The following DCDC1 variants were observed in gnomAD, a reference collection of about 807,000 sequenced individuals.
The protein encoded by DCDC1 is doublecortin domain-containing protein 1.
A neutral mutation model predicts 178.3 loss-of-function variants in DCDC1; 200 were observed. The observed-to-expected ratio is 1.12, with a 90% CI of 1.00 to 1.26. The LOEUF is 1.26. Among genes scored for constraint, DCDC1 ranks in the 50% most tolerant of loss-of-function variants. DCDC1 has a pLI of 0.00. For missense variants in DCDC1, 1,983 were observed against 1,749.2 expected, an observed-to-expected ratio of 1.13 and a Z score of -2.38; for synonymous variants, 690 against 604.8, an observed-to-expected ratio of 1.14 and a Z score of -2.07.
chr11:31,095,122 CT>C (rs945670441), intron 15 of DCDC1, among the ~76,000 whole-genome samples: 50 of 152,038 alleles, frequency 3.3e-4, no homozygotes, highest in African/African-American at 7.5e-4. Flanking sequence ...AGGACATGAA[CT>C]TTTTTATGGT....
intron 9 of DCDC1, among the ~76,000 whole-genome samples, chr11:31,173,173 T>C (rs1027139252): frequency 3.9e-5 from 6 of 152,214 alleles, no homozygotes; most frequent in African/African-American, 1.4e-4. Context: ...AAAAATATTT[T>C]TGTTTTAAAA....
At chr11:31,177,303 T>C (rs942043717) in intron 9 of DCDC1, among the ~76,000 whole-genome samples, 3 of 146,530 alleles carry the variant, frequency 2.0e-5, no homozygotes, top group African/African-American at 7.6e-5. Flanking sequence ...AATGGACAAA[T>C]AAGAAAGTAG....
chr11:30,921,379 A>G (rs1946239481), intron 24 of DCDC1, among the ~76,000 whole-genome samples: 2 of 152,140 alleles, frequency 1.3e-5, no homozygotes, highest in Non-Finnish European at 2.9e-5. Context: ...TCTTTTCTCT[A>G]TATGGACTTT....
chr11:31,193,948 T>A (rs1048917220), intron 9 of DCDC1, among the ~76,000 whole-genome samples: 4 of 152,066 alleles, frequency 2.6e-5, no homozygotes, highest in Non-Finnish European at 4.4e-5. Context: ...CTGCTGACAG[T>A]GGAACTGAAG....
chr11:31,100,918 A>G (rs1958464586), intron 15 of DCDC1, among the ~76,000 whole-genome samples: 2 of 152,212 alleles, frequency 1.3e-5, no homozygotes, highest in Non-Finnish European at 2.9e-5. Context: ...AATACAAAAT[A>G]CATTAATAAG....
chr11:31,331,989 A>G (rs1318903376), intron 2 of DCDC1, among the ~76,000 whole-genome samples: 2 of 151,982 alleles, frequency 1.3e-5, no homozygotes, highest in African/African-American at 2.4e-5. Flanking sequence ...GTAGAATTTG[A>G]CTGTGAATCC....
At chr11:31,042,974 G>A (rs529302193) in intron 20 of DCDC1, among the ~76,000 whole-genome samples, 96 of 152,220 alleles carry the variant, frequency 6.3e-4, no homozygotes, top group African/African-American at 2.1e-3. Flanking sequence ...GCTTCTAGGC[G>A]ACTTTGTAAT....
At chr11:31,102,367 C>G (rs1161596112) in intron 14 of DCDC1, 85 bp from the exon 15 acceptor site, 1 of 534,212 alleles carries the variant, frequency 1.9e-6, no homozygotes, top group African/African-American at 1.9e-5. Flanking sequence ...TTATAATACT[C>G]TTTATGCTTT....
intron 9 of DCDC1, among the ~76,000 whole-genome samples, chr11:31,172,055 G>GA (rs1282547069): frequency 6.6e-6 from 1 of 152,134 alleles, no homozygotes; most frequent in African/African-American, 2.4e-5. Flanking sequence ...GTGATTGAAT[G>GA]AAAAAACTGA....
At chr11:31,361,300 G>T (rs1951697812) in intron 1 of DCDC1, among the ~76,000 whole-genome samples, 1 of 152,082 alleles carries the variant, frequency 6.6e-6, no homozygotes, top group Non-Finnish European at 1.5e-5. Context: ...ATCTGCAAGG[G>T]ATGGAATTCC....
chr11:31,097,772 C>T (rs1958247447), intron 15 of DCDC1, among the ~76,000 whole-genome samples: 1 of 152,162 alleles, frequency 6.6e-6, no homozygotes, highest in Admixed American at 6.6e-5. Context: ...TTTGTATTTG[C>T]TTCAGTATAT....
chr11:30,970,527 G>A (rs532717497), intron 20 of DCDC1, among the ~76,000 whole-genome samples: 15 of 152,270 alleles, frequency 9.9e-5, no homozygotes, highest in African/African-American at 2.9e-4. Flanking sequence ...GACAGACTCT[G>A]CCACTGCTGC....
intron 9 of DCDC1, among the ~76,000 whole-genome samples, chr11:31,179,081 T>C (rs1008165988): frequency 6.6e-6 from 1 of 152,026 alleles, no homozygotes; most frequent in Non-Finnish European, 1.5e-5. Flanking sequence ...AAAAAAATGC[T>C]CAACACCACT....
intron 21 of DCDC1, among the ~76,000 whole-genome samples, chr11:30,942,643 G>C (rs1027555211): frequency 3.9e-5 from 6 of 152,166 alleles, no homozygotes; most frequent in African/African-American, 1.4e-4. Context: ...GAAGTGTGCT[G>C]TCTTAGCTCC....
At chr11:31,226,360 T>C (rs1305868523) in intron 9 of DCDC1, among the ~76,000 whole-genome samples, 4 of 151,908 alleles carry the variant, frequency 2.6e-5, no homozygotes, top group Non-Finnish European at 2.9e-5. Context: ...GGGTTAGGAA[T>C]AGAAAAAGTA....
chr11:31,241,966 C>T (rs1977196462), intron 8 of DCDC1, among the ~76,000 whole-genome samples: 1 of 151,922 alleles, frequency 6.6e-6, no homozygotes, highest in Admixed American at 6.6e-5. Flanking sequence ...TTGCATTGTC[C>T]TGATAAAACT....
chr11:31,332,401 T>C (rs1950040669), intron 2 of DCDC1, among the ~76,000 whole-genome samples: 1 of 152,206 alleles, frequency 6.6e-6, no homozygotes, highest in Non-Finnish European at 1.5e-5. Flanking sequence ...TGATCTTAGT[T>C]ATTTCTTGCC....
intron 20 of DCDC1, among the ~76,000 whole-genome samples, chr11:31,005,956 A>G (rs1378447002): frequency 6.9e-6 from 1 of 145,038 alleles, no homozygotes; most frequent in African/African-American, 2.5e-5. Flanking sequence ...ATTCCTGAAA[A>G]AAAAAAAAAA....
intron 8 of DCDC1, among the ~76,000 whole-genome samples, chr11:31,247,737 C>A (rs1049945237): frequency 6.6e-6 from 1 of 151,982 alleles, no homozygotes; most frequent in Non-Finnish European, 1.5e-5. Context: ...GGTCAGCATA[C>A]ACAATTCATT....
Sources: allele counts gnomAD v4.1 joint callset (sites outside exome capture counted in the v4.1 genomes callset), GRCh38; gene constraint gnomAD v4.1.1; transcripts MANE v1.5; gene names NCBI Gene and HGNC (gene_info 2026-07-23, HGNC 2026-07-21).